The following KANSL1 variants were observed in gnomAD, a reference collection of about 807,000 sequenced individuals.
The protein encoded by KANSL1 is KAT8 regulatory NSL complex subunit 1, also known as MLL1/MLL complex subunit KANSL1.
KANSL1 carries 22 observed loss-of-function variants against 103.6 expected under a neutral mutation model. The ratio of observed to expected loss-of-function variants is 0.21; its 90% CI spans 0.15 to 0.30. The LOEUF is 0.30. Among genes scored for constraint, KANSL1 ranks in the 10% least tolerant of loss-of-function variants. The pLI, the probability that KANSL1 is intolerant of heterozygous loss-of-function variation, is 1.00. For synonymous variants in KANSL1, 600 were observed against 527.6 expected, an observed-to-expected ratio of 1.14 and a Z score of -1.88; for missense variants, 1,337 against 1,399.8, an observed-to-expected ratio of 0.96 and a Z score of 0.72.
intron 2 of KANSL1, among the ~76,000 whole-genome samples, chr17:46,135,444 G>A (rs1302033863): frequency 3.9e-5 from 6 of 151,928 alleles, no homozygotes; most frequent in Non-Finnish European, 7.3e-5. Context: ...ATTAACGAGA[G>A]ATACAACCAA....
intron 1 of KANSL1, among the ~76,000 whole-genome samples, chr17:46,174,624 T>C (rs1025524950): frequency 1.3e-5 from 2 of 152,260 alleles, no homozygotes; most frequent in Non-Finnish European, 2.9e-5. Flanking sequence ...GTCCAGTGAA[T>C]GTCAGGAAAT....
At chr17:46,163,952 C>A (rs1463954504) in intron 2 of KANSL1, among the ~76,000 whole-genome samples, 1 of 152,228 alleles carries the variant, frequency 6.6e-6, no homozygotes, top group African/African-American at 2.4e-5. Context: ...AGGTCACAAT[C>A]AAAAGAAAAC....
At chr17:46,209,054 A>G (rs1380813722) in intron 1 of KANSL1, among the ~76,000 whole-genome samples, 6 of 151,792 alleles carry the variant, frequency 4.0e-5, no homozygotes, top group Non-Finnish European at 7.4e-5. Context: ...GTGATGGCGC[A>G]TGCCTGCAGT....
chr17:46,155,424 C>T (rs939411736), intron 2 of KANSL1, among the ~76,000 whole-genome samples: 2 of 152,166 alleles, frequency 1.3e-5, no homozygotes, highest in African/African-American at 4.8e-5. Flanking sequence ...TCCCAAAGTG[C>T]TGAGATTACA....
At chr17:46,187,690 G>A (rs2047096347) in intron 1 of KANSL1, among the ~76,000 whole-genome samples, 1 of 152,250 alleles carries the variant, frequency 6.6e-6, no homozygotes. Context: ...AAGGCTTGCA[G>A]AAAGTAACAT....
chr17:46,152,668 T>C (rs1480307464), intron 2 of KANSL1, among the ~76,000 whole-genome samples: 4 of 152,096 alleles, frequency 2.6e-5, no homozygotes, highest in Admixed American at 2.0e-4. Flanking sequence ...AGGTGGTAAA[T>C]TGTTTTCTTT....
At chr17:46,213,550 G>C (rs750050226) in intron 1 of KANSL1, among the ~76,000 whole-genome samples, 190 of 150,982 alleles carry the variant, frequency 1.3e-3, no homozygotes, top group Middle Eastern at 0.01. Flanking sequence ...CCTCATGATG[G>C]GCCCGCCTCG....
rs1313991337 is a variant in KANSL1, at chr17:46,153,688, A to G, written c.1289+17167T>C. On this transcript the variant is annotated intron_variant, in intron 2 of 14. Transcript: ENST00000432791. ...GGTCATTTATACACTAGATTATCAA[A>G]CCAGAAAAAGTCTGAGTCCCCTCAT... 2.6e-5 allele frequency among the ~76,000 whole-genome samples: 4 copies of G among 152,346 alleles called. No homozygotes were observed. The South Asian group carries it at 6.2e-4, about 24-fold the overall frequency.
At chr17:46,053,246 G>A (rs914825298) in intron 6 of KANSL1, among the ~76,000 whole-genome samples, 57 of 151,690 alleles carry the variant, frequency 3.8e-4, no homozygotes, top group Non-Finnish European at 3.2e-4. Flanking sequence ...TTGCACCACT[G>A]CACTCCAGCC....
intron 1 of KANSL1, among the ~76,000 whole-genome samples, chr17:46,174,999 A>G (rs1458570839): frequency 3.9e-5 from 6 of 152,254 alleles, no homozygotes; most frequent in African/African-American, 1.4e-4. Context: ...AAAGTTTATA[A>G]GAAAAACAAT....
chr17:46,083,460 A>T (rs2079052307), intron 3 of KANSL1, among the ~76,000 whole-genome samples: 1 of 152,128 alleles, frequency 6.6e-6, no homozygotes, highest in Non-Finnish European at 1.5e-5. Flanking sequence ...ATCAAACTAT[A>T]CTGGCTTAGG....
chr17:46,198,489 T>C (rs2047690938), upstream of KANSL1, among the ~76,000 whole-genome samples: 1 of 149,384 alleles, frequency 6.7e-6, no homozygotes, highest in Non-Finnish European at 1.5e-5. Flanking sequence ...TCTAGCACTT[T>C]GGGAGACCGA....
Position 46,108,902 on chromosome 17 carries a change from G to GA in KANSL1, c.1290-14202dup, listed in dbSNP as rs2042684497. Among the ~76,000 whole-genome samples, 41 of 152,262 alleles carry GA rather than the reference G, an allele frequency of 2.7e-4. No individual in the cohort carries two copies. In the South Asian group the frequency reaches 7.9e-3, roughly 29 times the overall value. On this transcript the variant is annotated intron_variant, in intron 2 of 14. Transcript: ENST00000432791. Reference sequence around the variant, plus strand: ...TTAGTCCAAGTATACACAAACCAGGGAAAATAAAGCTATATTACAAAGTGA... The same window carrying GA: ...TTAGTCCAAGTATACACAAACCAGGGAAAAATAAAGCTATATTACAAAGTGA...
intron 1 of KANSL1, among the ~76,000 whole-genome samples, chr17:46,189,286 T>A (rs950314128): frequency 6.6e-6 from 1 of 152,058 alleles, no homozygotes; most frequent in Non-Finnish European, 1.5e-5. Context: ...TCTGGGGCAA[T>A]CAACAGACAA....
intron 2 of KANSL1, among the ~76,000 whole-genome samples, chr17:46,139,371 A>G (rs531527222): frequency 2.0e-5 from 3 of 152,006 alleles, no homozygotes; most frequent in Non-Finnish European, 4.4e-5. Flanking sequence ...ACTTGCTCTC[A>G]CTGAATTCAA....
intron 1 of KANSL1, among the ~76,000 whole-genome samples, chr17:46,185,840 A>G (rs1170238324): frequency 6.6e-6 from 1 of 152,152 alleles, no homozygotes; most frequent in Non-Finnish European, 1.5e-5. Flanking sequence ...TAGACAACAT[A>G]GCAAGATACC....
At chr17:46,059,638 A>AG in intron 6 of KANSL1, among the ~76,000 whole-genome samples, 1 of 64,518 alleles carries the variant, frequency 1.5e-5, no homozygotes, top group South Asian at 8.2e-4. Flanking sequence ...CAAAAAAAAA[A>AG]AAAAAAAAAA....
At chr17:46,047,709 GC>G (rs2077560823) in intron 7 of KANSL1, among the ~76,000 whole-genome samples, 1 of 151,022 alleles carries the variant, frequency 6.6e-6, no homozygotes, top group Non-Finnish European at 1.5e-5. Flanking sequence ...ACTGTTTAGA[GC>G]CCAGGAAGTC....
chr17:46,146,588 CTT>C (rs2044714354), intron 2 of KANSL1, among the ~76,000 whole-genome samples: 1 of 113,078 alleles, frequency 8.8e-6, no homozygotes, highest in Non-Finnish European at 2.4e-5. Context: ...AATCCCAGCA[CTT>C]TGGGAGGCCG....
Sources: gnomAD v4.1 joint callset for allele counts (sites outside exome capture counted in the v4.1 genomes callset) on GRCh38, gnomAD v4.1.1 for gene constraint, MANE v1.5 for transcripts, NCBI Gene and HGNC (gene_info 2026-07-23, HGNC 2026-07-21) for gene names.